The following TANC1 variants were observed in gnomAD, a reference collection of about 807,000 sequenced individuals.
TANC1 encodes the protein protein TANC1.
A neutral mutation model predicts 149.7 loss-of-function variants in TANC1; 77 were observed. The observed-to-expected ratio is 0.51, with a 90% CI of 0.43 to 0.62. The LOEUF (loss-of-function observed/expected upper bound fraction) is 0.62, where lower values mean the gene tolerates loss of function less well. TANC1 is among the 20% of genes least tolerant of loss of function. The probability of loss-of-function intolerance (pLI) is 0.00; values close to 1 mark genes in which losing one functional copy is unlikely to be tolerated. For synonymous variants in TANC1, 854 were observed against 925.0 expected, an observed-to-expected ratio of 0.92 and a Z score of 1.39; for missense variants, 1,985 against 2,321.8, an observed-to-expected ratio of 0.85 and a Z score of 2.98.
chr2:159,136,039 TGTGTGTGTGTGCGCGC>T (rs879078767), intron 4 of TANC1, among the ~76,000 whole-genome samples, 139 bp from the exon 5 acceptor site: 1,856 of 54,092 alleles, frequency 0.034, 27 homozygotes, highest in East Asian at 0.13. Context: ...TGTGTGTGTG[TGTGTGTGTGTGCGCGC>T]GCGCGCGTTT....
At chr2:158,980,483 T>G (rs2034171685) in intron 1 of TANC1, among the ~76,000 whole-genome samples, 1 of 151,980 alleles carries the variant, frequency 6.6e-6, no homozygotes, top group African/African-American at 2.4e-5. Context: ...TTTAAAAATA[T>G]TATCTAATTT....
chr2:158,970,791 G>A (rs2032753186), intron 1 of TANC1, among the ~76,000 whole-genome samples: 1 of 152,164 alleles, frequency 6.6e-6, no homozygotes, highest in African/African-American at 2.4e-5. Context: ...GTGGAAGCAG[G>A]AAAAGTCCAC....
At chr2:159,194,527 AG>A in intron 17 of TANC1, 34 bp downstream of exon 17, 1 of 1,557,164 alleles carries the variant, frequency 6.4e-7, no homozygotes, top group African/African-American at 1.4e-5. Context: ...GGGCTGGGGC[AG>A]GGAAATGGCT....
At position 158,976,916 on chromosome 2, in the gene TANC1, G is replaced by T. The variant is rs376560297; in HGVS notation, c.-126+8134G>T. On this transcript the variant is annotated intron_variant, in intron 1 of 26. Transcript: ENST00000263635. ...AACAACAACAACAAAATTATGTTTG[G>T]ATTTGTATTATTAATAAAAATGAAC... 1.2e-3 allele frequency among the ~76,000 whole-genome samples: 181 copies of T among 152,060 alleles called. 1 individual carries two copies. The highest frequency in any genetic ancestry group is 4.2e-3 in the African/African-American group (176 of 41,486).
chr2:159,097,970 C>CT (rs75989532), intron 4 of TANC1, 136 bp downstream of exon 4: 11,988 of 567,214 alleles, frequency 0.021, 2 homozygotes, highest in East Asian at 0.04. Flanking sequence ...AGAAATAAAT[C>CT]TTTTTTTTTT....
In TANC1 at chr2:159,185,848, C is replaced by G. The variant is rs370811630; in HGVS notation, c.2568C>G (p.Arg856=). ...MFSRQEGKLN[R]QQTMELGHHI... ...CGCGTCAGGAGGGCAAGTTGAACCG[C>G]CAGCAGACCATGGAGCTTGGCCACC... Residue 856 remains arginine, a synonymous_variant, in exon 15 of 27, where the codon CGC becomes CGG. Coordinates refer to ENST00000263635, the MANE Select transcript of TANC1 (RefSeq NM_033394.3). 6.2e-7 allele frequency: 1 copy of G among 1,614,036 alleles called. No individual in the cohort carries two copies. Among genetic ancestry groups the G allele is most frequent in the Non-Finnish European group, 8.5e-7 (1 of 1,180,028 alleles).
intron 22 of TANC1, among the ~76,000 whole-genome samples, chr2:159,220,771 G>A (rs1256775573): frequency 2.0e-5 from 3 of 151,258 alleles, no homozygotes; most frequent in Non-Finnish European, 2.9e-5. Flanking sequence ...TTAGAGACAC[G>A]GTTTTTCACC....
intron 23 of TANC1, chr2:159,225,274 A>C: frequency 4.0e-6 from 1 of 252,298 alleles, no homozygotes. Context: ...GTAGGGTAGG[A>C]GAGAGAAGCC....
intron 2 of TANC1, among the ~76,000 whole-genome samples, chr2:159,007,454 T>C (rs73001027): frequency 1.3e-5 from 2 of 152,160 alleles, no homozygotes; most frequent in Admixed American, 1.3e-4. Flanking sequence ...CCATATGCTG[T>C]GTTTTTACTG....
chr2:158,993,774 T>A (rs2035895153), intron 1 of TANC1, among the ~76,000 whole-genome samples: 3 of 152,242 alleles, frequency 2.0e-5, no homozygotes, highest in Admixed American at 6.5e-5. Flanking sequence ...ATTTTCTTGT[T>A]AAATTTTTAA....
At chr2:159,135,858 C>T (rs537489406) in intron 4 of TANC1, among the ~76,000 whole-genome samples, 41 of 152,374 alleles carry the variant, frequency 2.7e-4, no homozygotes, top group Admixed American at 1.8e-3. Context: ...CAAAATCACC[C>T]ACTTGACCAG....
At chr2:159,055,706 A>G (rs966364575) in intron 2 of TANC1, among the ~76,000 whole-genome samples, 1 of 152,076 alleles carries the variant, frequency 6.6e-6, no homozygotes, top group Non-Finnish European at 1.5e-5. Flanking sequence ...TCAGGGCTTC[A>G]TTCCCTTCCT....
intron 7 of TANC1, among the ~76,000 whole-genome samples, chr2:159,156,854 T>TG (rs1219336274): frequency 1.3e-5 from 2 of 152,176 alleles, no homozygotes; most frequent in African/African-American, 4.8e-5. Flanking sequence ...TTGGGCAGTG[T>TG]GGTGGGTCCC....
In TANC1 at chr2:159,132,529, C is replaced by G. The variant is rs562188425; in HGVS notation, c.260-3665C>G. Among the ~76,000 whole-genome samples the G allele has an allele frequency of 1.1e-4, 17 of 152,166 alleles. 1 individual carries two copies. Among genetic ancestry groups the G allele is most frequent in the Admixed American group, 7.9e-4 (12 of 15,270 alleles). The stretch of plus-strand genomic sequence containing the variant: ...TGTTTGAGACAGTCTCACTCTGTTG[C>G]CCAGGCTGGAGTGCAGTGGTGTGAT... On this transcript the variant is annotated intron_variant, in intron 4 of 26. Coordinates refer to ENST00000263635, the MANE Select transcript of TANC1 (RefSeq NM_033394.3).
At chr2:159,181,808 T>G (rs1332973838) in intron 14 of TANC1, among the ~76,000 whole-genome samples, 1 of 152,248 alleles carries the variant, frequency 6.6e-6, no homozygotes, top group Admixed American at 6.5e-5. Flanking sequence ...AAATCAGATC[T>G]TAAGACGATG....
At position 159,205,557 on chromosome 2, in the gene TANC1, A is replaced by G. The variant is rs540856328; in HGVS notation, c.3244+6504A>G. Among the ~76,000 whole-genome samples, 25 of 152,372 alleles carry G rather than the reference A, an allele frequency of 1.6e-4. No individual in the cohort carries two copies. The East Asian group carries it at 4.4e-3, about 27-fold the overall frequency. ...TGTTACACAAGTACCACCGTGTTAC[A>G]GCTGCCTACAGTATCCACTACAGTA... is the stretch of plus-strand genomic sequence containing the variant. On this transcript the variant is annotated intron_variant, in intron 19 of 26. Coordinates refer to ENST00000263635, the MANE Select transcript of TANC1 (RefSeq NM_033394.3).
At chr2:159,134,652 TTTG>T (rs1254242936) in intron 4 of TANC1, among the ~76,000 whole-genome samples, 1 of 152,026 alleles carries the variant, frequency 6.6e-6, no homozygotes, top group Non-Finnish European at 1.5e-5. Context: ...CTGGCTAATT[TTTG>T]TATTTTTTTT....
Position 159,199,734 on chromosome 2 carries a change from T to C in TANC1, c.3244+681T>C, listed in dbSNP as rs575113240. Among the ~76,000 whole-genome samples the C allele has an allele frequency of 4.6e-5, 7 of 152,384 alleles. No individual in the cohort carries two copies. The East Asian group carries it at 1.3e-3, about 29-fold the overall frequency. On this transcript the variant is annotated intron_variant, in intron 19 of 26. Coordinates refer to ENST00000263635, the MANE Select transcript of TANC1 (RefSeq NM_033394.3). ...GTTTTTAAATAGATGTCAGCATGAG[T>C]ATTTAAAATGAATTTCCAGGTTATG...
intron 2 of TANC1, among the ~76,000 whole-genome samples, chr2:159,028,910 T>C (rs889726501): frequency 2.0e-5 from 3 of 152,204 alleles, no homozygotes; most frequent in Non-Finnish European, 4.4e-5. Flanking sequence ...TGTGCTGCTA[T>C]ACACAGCTAA....
Sources: gnomAD v4.1 joint callset for allele counts (sites outside exome capture counted in the v4.1 genomes callset) on GRCh38, gnomAD v4.1.1 for gene constraint, MANE v1.5 for transcripts, NCBI Gene and HGNC (gene_info 2026-07-23, HGNC 2026-07-21) for gene names.